Variants in MSH3 observed in about 807,000 individuals in gnomAD.
MSH3 encodes DNA mismatch repair protein Msh3.
In MSH3, 106 loss-of-function variants were observed where a neutral mutation model predicts 123.3. The ratio of observed to expected loss-of-function variants is 0.86; its 90% CI spans 0.73 to 1.01. MSH3 has a LOEUF of 1.01. Among genes scored for constraint, MSH3 ranks in the 50% least tolerant of loss-of-function variants. MSH3 has a pLI of 0.00. For synonymous variants in MSH3, 515 were observed against 481.4 expected (o/e 1.07, Z -0.91); for missense variants, 1,459 against 1,347.6 (o/e 1.08, Z -1.29).
intron 2 of MSH3, among the ~76,000 whole-genome samples, chr5:80,664,352 T>G (rs1375986079): frequency 6.6e-6 from 1 of 152,162 alleles, no homozygotes; most frequent in Admixed American, 6.5e-5. Flanking sequence ...TATCAAGTCT[T>G]TCCGCTTGAG....
At position 80,725,478 on chromosome 5, in the gene MSH3, G is replaced by T. The variant is rs963234468; in HGVS notation, c.1366G>T (p.Glu456Ter). The part of the protein sequence containing the change: ...VSVQDDRIRV[E>*]RMDNIYFEYS... ...TGTGCAGGATGACAGAATTCGAGTC[G>T]AAAGGATGGATAACATTTATTTTGA... Residue 456 changes from glutamate to a stop codon, truncating the protein, a stop_gained, in exon 9 of 24, where the codon GAA becomes TAA. Transcript: ENST00000265081. LOFTEE classifies it high-confidence loss of function. 6.2e-7 allele frequency: 1 copy of T among 1,613,454 alleles called. No homozygotes were observed. The highest frequency in any genetic ancestry group is 1.3e-5 in the African/African-American group (1 of 74,794).
intron 12 of MSH3, among the ~76,000 whole-genome samples, chr5:80,751,099 T>C (rs1743827074): frequency 6.6e-6 from 1 of 152,118 alleles, no homozygotes; most frequent in African/African-American, 2.4e-5. Context: ...ATGCATATTA[T>C]GAAAAAACTT....
At position 80,705,842 on chromosome 5, in the gene MSH3, T is replaced by TC. The variant is rs1354115506; in HGVS notation, c.1341-19611_1341-19610insC. Among the ~76,000 whole-genome samples the TC allele has an allele frequency of 6.6e-5, 10 of 152,144 alleles. No homozygotes were observed. In the East Asian group the frequency reaches 1.9e-3, roughly 29 times the overall value. On this transcript the variant is annotated intron_variant, in intron 8 of 23. Coordinates refer to ENST00000265081, the MANE Select transcript of MSH3 (RefSeq NM_002439.5). ...TTACGTGGACACCGGTCATATTGGA[T>TC]TAGGGCCCACCCTGATGGCCTCACT...
chr5:80,725,691 CTGT>C (rs1269456960), intron 9 of MSH3, 126 bp downstream of exon 9: 2 of 726,168 alleles, frequency 2.8e-6, no homozygotes, highest in African/African-American at 3.5e-5. Context: ...GAAGAGCTCA[CTGT>C]TGTTGTGCTC....
chr5:80,698,059 A>G (rs1172505476), intron 8 of MSH3, among the ~76,000 whole-genome samples: 1 of 151,892 alleles, frequency 6.6e-6, no homozygotes, highest in Non-Finnish European at 1.5e-5. Flanking sequence ...AGGTGTGCTC[A>G]ACCACACCCA....
intron 13 of MSH3, among the ~76,000 whole-genome samples, chr5:80,765,013 C>T (rs1023205201): frequency 6.6e-6 from 1 of 152,120 alleles, no homozygotes; most frequent in African/African-American, 2.4e-5. Flanking sequence ...CAGCTGCTGC[C>T]AGAAGTAGGG....
intron 20 of MSH3, among the ~76,000 whole-genome samples, chr5:80,831,937 T>A (rs1225364609): frequency 6.6e-6 from 1 of 151,780 alleles, no homozygotes; most frequent in Admixed American, 6.6e-5. Flanking sequence ...TGAAACCCTG[T>A]CTCTACTAAA....
intron 19 of MSH3, among the ~76,000 whole-genome samples, chr5:80,802,243 TATAAC>T (rs60954156): frequency 0.1 from 15,409 of 152,002 alleles, 1,113 homozygotes; most frequent in East Asian, 0.32. Context: ...TAGTTAATAT[TATAAC>T]ATGAATATTT....
intron 21 of MSH3, among the ~76,000 whole-genome samples, chr5:80,863,654 G>A (rs368423053): frequency 1.5e-3 from 226 of 149,312 alleles, no homozygotes; most frequent in African/African-American, 4.8e-3. Flanking sequence ...GTGACACTCC[G>A]TCTCAAAAAA....
At position 80,789,598 on chromosome 5, in the gene MSH3, T is replaced by A. The variant is rs192919275; in HGVS notation, c.2543+1926T>A. Among the ~76,000 whole-genome samples, 161 of 152,346 alleles carry A rather than the reference T, an allele frequency of 1.1e-3. 1 individual carries two copies. The highest frequency in any genetic ancestry group is 3.7e-3 in the African/African-American group (153 of 41,592). On this transcript the variant is annotated intron_variant, in intron 18 of 23. Transcript: ENST00000265081. ...GTTGGCCAGGCTGGTCTTGAACTCC[T>A]GGCTTCAAGCAATCCACCTGCCTTG...
intron 12 of MSH3, among the ~76,000 whole-genome samples, chr5:80,745,389 A>G (rs1743698274): frequency 6.6e-6 from 1 of 152,204 alleles, no homozygotes; most frequent in Non-Finnish European, 1.5e-5. Flanking sequence ...TTGAATGAAA[A>G]TTGTTATTTA....
At chr5:80,741,332 T>C (rs1352497850) in intron 10 of MSH3, 132 bp from the exon 11 acceptor site, 1 of 686,890 alleles carries the variant, frequency 1.5e-6, no homozygotes, top group Non-Finnish European at 2.6e-6. Context: ...TTCATTTTGC[T>C]CCTTTTGTTT....
chr5:80,686,942 A>G (rs916053643), intron 8 of MSH3, among the ~76,000 whole-genome samples: 3 of 152,152 alleles, frequency 2.0e-5, no homozygotes, highest in Admixed American at 2.0e-4. Flanking sequence ...GGTTTTTGGT[A>G]TTCTTAACTT....
intron 12 of MSH3, among the ~76,000 whole-genome samples, chr5:80,759,515 G>A (rs1458603879): frequency 5.3e-5 from 8 of 152,202 alleles, no homozygotes; most frequent in Non-Finnish European, 1.2e-4. Context: ...CTTAGAGTAG[G>A]AGGAAGAGAG....
chr5:80,765,466 A>G (rs1203939724), intron 13 of MSH3, among the ~76,000 whole-genome samples: 1 of 152,152 alleles, frequency 6.6e-6, no homozygotes, highest in East Asian at 1.9e-4. Context: ...AGTTGGACCT[A>G]ACTTCTTATT....
At chr5:80,773,144 G>T (rs1460134833) in intron 15 of MSH3, among the ~76,000 whole-genome samples, 1 of 152,196 alleles carries the variant, frequency 6.6e-6, no homozygotes, top group Non-Finnish European at 1.5e-5. Context: ...TAGTCATTAT[G>T]CATCTGGATG....
chr5:80,799,739 G>T (rs1744761606), intron 19 of MSH3, among the ~76,000 whole-genome samples: 1 of 151,992 alleles, frequency 6.6e-6, no homozygotes, highest in South Asian at 2.1e-4. Flanking sequence ...TCCCCATTGA[G>T]ACATGTCAGA....
intron 19 of MSH3, among the ~76,000 whole-genome samples, chr5:80,805,833 C>T (rs139864814): frequency 2.6e-3 from 402 of 152,142 alleles, no homozygotes; most frequent in African/African-American, 9.2e-3. Flanking sequence ...GTAATCTGCC[C>T]ACCTTGGCCT....
intron 18 of MSH3, among the ~76,000 whole-genome samples, chr5:80,788,838 T>C (rs1047423850): frequency 1.3e-5 from 2 of 151,460 alleles, no homozygotes; most frequent in African/African-American, 4.9e-5. Context: ...ATTTAAAAAA[T>C]ACAAAATTAA....
Sources: gnomAD v4.1 joint callset for allele counts (sites outside exome capture counted in the v4.1 genomes callset) on GRCh38, gnomAD v4.1.1 for gene constraint, MANE v1.5 for transcripts, NCBI Gene and HGNC (gene_info 2026-07-23, HGNC 2026-07-21) for gene names.